The following PPARG variants were observed in gnomAD, a reference collection of about 807,000 sequenced individuals.
PPARG encodes peroxisome proliferator activated receptor gamma.
PPARG carries 17 observed loss-of-function variants against 39.2 expected under a neutral mutation model. The observed-to-expected ratio is 0.43, with a 90% CI of 0.30 to 0.65. The LOEUF (loss-of-function observed/expected upper bound fraction) is 0.65. Ranked by LOEUF, PPARG falls within the 30% of genes least tolerant of loss-of-function variation. The probability of loss-of-function intolerance (pLI) is 0.13; values close to 1 mark genes in which losing one functional copy is unlikely to be tolerated. For missense variants in PPARG, 406 were observed against 585.9 expected, an observed-to-expected ratio of 0.69 and a Z score of 3.17; for synonymous variants, 223 against 215.7, an observed-to-expected ratio of 1.03 and a Z score of -0.30.
At chr3:12,375,509 T>C (rs1361552898) in intron 2 of PPARG, among the ~76,000 whole-genome samples, 2 of 152,210 alleles carry the variant, frequency 1.3e-5, no homozygotes, top group African/African-American at 4.8e-5. Context: ...TAGTGAGAAA[T>C]AGGTGATAAA....
intron 2 of PPARG, among the ~76,000 whole-genome samples, chr3:12,356,209 A>G (rs2048660925): frequency 6.6e-6 from 1 of 152,214 alleles, no homozygotes; most frequent in Non-Finnish European, 1.5e-5. Context: ...AAGTTTCTGT[A>G]AAGTTTTACC....
At chr3:12,424,419 A>G (rs1013544861) in intron 7 of PPARG, among the ~76,000 whole-genome samples, 21 of 152,292 alleles carry the variant, frequency 1.4e-4, no homozygotes, top group African/African-American at 3.9e-4. Context: ...GAGACTGACT[A>G]TGGGGTCGAA....
At chr3:12,387,688 G>GT (rs1363831719) in intron 4 of PPARG, among the ~76,000 whole-genome samples, 5 of 152,138 alleles carry the variant, frequency 3.3e-5, no homozygotes, top group Non-Finnish European at 5.9e-5. Context: ...TCTGATGATA[G>GT]TTTCTTTTGC....
chr3:12,337,262 C>A (rs1014645819), intron 2 of PPARG, among the ~76,000 whole-genome samples: 1 of 152,098 alleles, frequency 6.6e-6, no homozygotes, highest in African/African-American at 2.4e-5. Context: ...TATATACATT[C>A]ATTTCTACAC....
intron 5 of PPARG, among the ~76,000 whole-genome samples, chr3:12,402,031 G>A (rs180778492): frequency 6.6e-6 from 1 of 152,148 alleles, no homozygotes; most frequent in African/African-American, 2.4e-5. Context: ...TTGGCTGTTT[G>A]TCCATTTAAA....
At chr3:12,355,588 T>G (rs1393821186) in intron 2 of PPARG, among the ~76,000 whole-genome samples, 1 of 152,226 alleles carries the variant, frequency 6.6e-6, no homozygotes, top group Non-Finnish European at 1.5e-5. Context: ...TCACCAGTAC[T>G]TGGCAGATTT....
chr3:12,353,697 T>C (rs1183347165), intron 2 of PPARG, among the ~76,000 whole-genome samples: 1 of 152,236 alleles, frequency 6.6e-6, no homozygotes, highest in Non-Finnish European at 1.5e-5. Flanking sequence ...TTAGCCACTA[T>C]GCCCAAAGAG....
chr3:12,302,528 GA>G (rs942986484), intron 1 of PPARG, among the ~76,000 whole-genome samples: 44 of 150,842 alleles, frequency 2.9e-4, no homozygotes, highest in South Asian at 1.9e-3. Flanking sequence ...CTCAAATTAA[GA>G]AAAAAAAAGT....
chr3:12,297,707 T>C (rs2046821629), intron 1 of PPARG, among the ~76,000 whole-genome samples: 1 of 152,170 alleles, frequency 6.6e-6, no homozygotes, highest in Admixed American at 6.5e-5. Flanking sequence ...GTTGATTTGT[T>C]TGGGTCCGTG....
At chr3:12,354,710 C>T (rs2048601758) in intron 2 of PPARG, among the ~76,000 whole-genome samples, 2 of 146,930 alleles carry the variant, frequency 1.4e-5, no homozygotes, top group Admixed American at 6.9e-5. Context: ...GCTGAGATTG[C>T]GCCACTGCAC....
Position 12,417,092 on chromosome 3 carries a change from A to G in PPARG, c.1118A>G (p.Asn373Ser), listed in dbSNP as rs1407041548. The G allele has an allele frequency of 1.2e-6, 2 of 1,614,146 alleles. No homozygotes were observed. The highest frequency in any genetic ancestry group is 1.7e-6 in the Non-Finnish European group (2 of 1,179,990). ...EPKFEFAVKF[N>S]ALELDDSDLA... Reference sequence around the variant, plus strand: ...AAGTTTGAGTTTGCTGTGAAGTTCAATGCACTGGAATTAGATGACAGCGAC... The same window carrying G: ...AAGTTTGAGTTTGCTGTGAAGTTCAGTGCACTGGAATTAGATGACAGCGAC... The change falls in exon 7 of 8, where the codon AAT becomes AGT. Residue 373 changes from asparagine to serine, a missense_variant. Asn to Ser is a conservative substitution (Grantham distance 46, BLOSUM62 1). Transcript: ENST00000651735.
At chr3:12,327,567 C>A (rs1385885629) in intron 2 of PPARG, among the ~76,000 whole-genome samples, 2 of 152,068 alleles carry the variant, frequency 1.3e-5, no homozygotes, top group African/African-American at 4.8e-5. Context: ...ATAATGAAGA[C>A]CACAGCAGAG....
intron 1 of PPARG, among the ~76,000 whole-genome samples, chr3:12,307,899 T>C (rs1312892058): frequency 1.3e-5 from 2 of 152,090 alleles, no homozygotes; most frequent in African/African-American, 4.8e-5. Flanking sequence ...AGGAGTTGTG[T>C]TTAGAGATAG....
chr3:12,316,026 T>C (rs1217254906), intron 2 of PPARG, among the ~76,000 whole-genome samples: 1 of 152,268 alleles, frequency 6.6e-6, no homozygotes, highest in Non-Finnish European at 1.5e-5. Context: ...CTAGGCAAAA[T>C]GTCTGGGAAT....
At chr3:12,336,890 G>C in intron 2 of PPARG, among the ~76,000 whole-genome samples, 1 of 152,162 alleles carries the variant, frequency 6.6e-6, no homozygotes, top group Non-Finnish European at 1.5e-5. Flanking sequence ...GGACATTTAA[G>C]TTTGAATAGG....
At chr3:12,308,829 G>A (rs2047148717) in intron 1 of PPARG, among the ~76,000 whole-genome samples, 1 of 152,140 alleles carries the variant, frequency 6.6e-6, no homozygotes, top group Admixed American at 6.5e-5. Context: ...AAGTCTAATG[G>A]ATTTAGCAAG....
At chr3:12,324,227 C>T (rs1049018913) in intron 2 of PPARG, among the ~76,000 whole-genome samples, 9 of 151,656 alleles carry the variant, frequency 5.9e-5, no homozygotes, top group Non-Finnish European at 1.2e-4. Flanking sequence ...TGTAGTGAAC[C>T]GAGATCGTGC....
intron 1 of PPARG, among the ~76,000 whole-genome samples, chr3:12,299,077 C>T (rs886552743): frequency 2.0e-5 from 3 of 152,160 alleles, no homozygotes; most frequent in Non-Finnish European, 4.4e-5. Flanking sequence ...CCAAGCAGTC[C>T]TCTGGCCTCT....
chr3:12,416,574 A>T, intron 6 of PPARG, 130 bp from the exon 7 acceptor site: 1 of 834,094 alleles, frequency 1.2e-6, no homozygotes, highest in Non-Finnish European at 1.9e-6. Flanking sequence ...TCTCATTATT[A>T]AGCATCTTCA....
Sources: allele counts gnomAD v4.1 joint callset (sites outside exome capture counted in the v4.1 genomes callset), GRCh38; gene constraint gnomAD v4.1.1; transcripts MANE v1.5; gene names NCBI Gene and HGNC (gene_info 2026-07-23, HGNC 2026-07-21).